Variants in NIPBL observed in about 807,000 individuals in gnomAD.
NIPBL encodes the protein NIPBL cohesin loading factor.
In NIPBL, 19 loss-of-function variants were observed where a neutral mutation model predicts 321.8. That is an observed-to-expected ratio of 0.06 (90% CI 0.04 to 0.09). NIPBL has a LOEUF of 0.09. Ranked by LOEUF, NIPBL falls within the 10% of genes least tolerant of loss-of-function variation. The pLI is 1.00. For missense variants in NIPBL, 2,210 were observed against 3,327.0 expected, an observed-to-expected ratio of 0.66 and a Z score of 8.26; for synonymous variants, 1,106 against 1,114.1, an observed-to-expected ratio of 0.99 and a Z score of 0.14.
chr5:36,957,571 T>G (rs2149602196), intron 3 of NIPBL, among the ~76,000 whole-genome samples: 1 of 152,348 alleles, frequency 6.6e-6, no homozygotes, highest in South Asian at 2.1e-4. Context: ...AATAGTGTTT[T>G]GGGCTTTTTT....
intron 3 of NIPBL, among the ~76,000 whole-genome samples, chr5:36,956,130 C>G (rs1740916860): frequency 6.6e-6 from 1 of 151,768 alleles, no homozygotes; most frequent in Non-Finnish European, 1.5e-5. Context: ...ACTCGGGAGG[C>G]TGAGGCAGGA....
intron 10 of NIPBL, among the ~76,000 whole-genome samples, chr5:36,986,599 T>C (rs892932504): frequency 4.6e-5 from 7 of 152,164 alleles, no homozygotes; most frequent in African/African-American, 1.7e-4. Flanking sequence ...ATTTCTGAAA[T>C]ATGCTTAAGT....
At chr5:36,986,454 T>C (rs1744816193) in intron 10 of NIPBL, among the ~76,000 whole-genome samples, 153 bp downstream of exon 10, 1 of 152,170 alleles carries the variant, frequency 6.6e-6, no homozygotes. Flanking sequence ...TTCAGGAGTA[T>C]AGATAAAAAG....
At position 37,051,975 on chromosome 5, in the gene NIPBL, T is replaced by C. The variant is rs920886628; in HGVS notation, c.7062+89T>C. Reference sequence around the variant, plus strand: ...ATAAATGCTCTGCCCACATTCATAATTGGAATAAAATGTCTTACTTAGTAC... The same window carrying C: ...ATAAATGCTCTGCCCACATTCATAACTGGAATAAAATGTCTTACTTAGTAC... On this transcript the variant is annotated intron_variant, in intron 41 of 46. Coordinates refer to ENST00000282516, the MANE Select transcript of NIPBL (RefSeq NM_133433.4). The C allele has an allele frequency of 1.1e-5, 10 of 951,468 alleles. No homozygotes were observed. The Admixed American group carries it at 1.5e-4, about 15-fold the overall frequency. 58.9% of individuals were successfully genotyped at this position (951,468 alleles called of 1,614,324 possible).
intron 32 of NIPBL, among the ~76,000 whole-genome samples, chr5:37,030,659 TTGAA>T (rs1750893333): frequency 6.6e-6 from 1 of 152,192 alleles, no homozygotes; most frequent in African/African-American, 2.4e-5. Flanking sequence ...TCCCCATTTA[TTGAA>T]TTTTTTTTTA....
chr5:37,033,986 G>A (rs1288151070), intron 32 of NIPBL, among the ~76,000 whole-genome samples: 31 of 151,472 alleles, frequency 2.0e-4, no homozygotes, highest in Admixed American at 2.0e-3. Context: ...AAGATATTTG[G>A]CACATATATA....
chr5:37,064,371 C>T, intron 46 of NIPBL, 156 bp from the exon 47 acceptor site: 1 of 985,202 alleles, frequency 1.0e-6, no homozygotes, highest in Non-Finnish European at 1.2e-6. Flanking sequence ...AACCCCTTGG[C>T]GCTGGCGGTC....
At chr5:37,026,566 T>G (rs1014265867) in intron 31 of NIPBL, among the ~76,000 whole-genome samples, 1 of 152,200 alleles carries the variant, frequency 6.6e-6, no homozygotes, top group African/African-American at 2.4e-5. Context: ...GAGATTTTCC[T>G]ATTCCTCCAG....
chr5:36,935,557 T>C (rs988090314), intron 1 of NIPBL, among the ~76,000 whole-genome samples: 1 of 152,180 alleles, frequency 6.6e-6, no homozygotes, highest in Non-Finnish European at 1.5e-5. Flanking sequence ...TTAGAATTGC[T>C]GTATCAATAC....
At chr5:36,910,415 A>T (rs1747958458) in intron 1 of NIPBL, among the ~76,000 whole-genome samples, 1 of 152,182 alleles carries the variant, frequency 6.6e-6, no homozygotes, top group South Asian at 2.1e-4. Context: ...TGGGCACCTT[A>T]GGCTCAGAAT....
rs988018153 is a variant in NIPBL at position 36,975,830 on chromosome 5, G to A, written c.923G>A (p.Arg308Gln). The change falls in exon 9 of 47, where the codon CGA becomes CAA. Residue 308 changes from arginine (R) to glutamine (Q), a missense_variant. Around this residue, in one of 14 missense-constraint regions of NIPBL, gnomAD observed 464 missense variants for 529.5 expected, o/e 0.88. Coordinates refer to ENST00000282516, the MANE Select transcript of NIPBL (RefSeq NM_133433.4). ...QSQSLPCSSPRDVPPDILLDS... is the reference protein window; with the variant it reads ...QSQSLPCSSPQDVPPDILLDS... ...CAGTCTCTACCTTGTTCATCACCTC[G>A]AGATGTTCCACCAGATATCTTGCTA... 9.9e-6 allele frequency: 16 copies of A among 1,612,816 alleles called. No individual in the cohort carries two copies. The African/African-American group carries it at 1.1e-4, about 11-fold the overall frequency.
chr5:37,053,125 A>T (rs1336629995), intron 42 of NIPBL, among the ~76,000 whole-genome samples: 1 of 152,164 alleles, frequency 6.6e-6, no homozygotes, highest in Admixed American at 6.5e-5. Context: ...ATACATTTGG[A>T]GAAATGCATA....
At chr5:36,995,904 C>A in intron 11 of NIPBL, 100 bp downstream of exon 11, 1 of 1,029,654 alleles carries the variant, frequency 9.7e-7, no homozygotes. Flanking sequence ...AGCACAGTCA[C>A]CTTAATTCTT....
At chr5:36,925,068 A>G (rs889518716) in intron 1 of NIPBL, among the ~76,000 whole-genome samples, 1 of 152,170 alleles carries the variant, frequency 6.6e-6, no homozygotes, top group Non-Finnish European at 1.5e-5. Flanking sequence ...TGAAGTAGGG[A>G]GGTCAATATC....
intron 38 of NIPBL, among the ~76,000 whole-genome samples, 176 bp downstream of exon 38, chr5:37,046,375 A>G (rs1032372951): frequency 1.3e-5 from 2 of 152,326 alleles, no homozygotes; most frequent in East Asian, 3.9e-4. Context: ...TGTCATGGCC[A>G]TTGACTTCCT....
chr5:36,895,480 C>A (rs868763695), intron 1 of NIPBL, among the ~76,000 whole-genome samples: 1 of 152,108 alleles, frequency 6.6e-6, no homozygotes, highest in Admixed American at 6.5e-5. Flanking sequence ...TGAGTAGGTA[C>A]AAAGGGGCAA....
At chr5:36,986,679 A>G (rs1297494422) in intron 10 of NIPBL, among the ~76,000 whole-genome samples, 2 of 152,320 alleles carry the variant, frequency 1.3e-5, no homozygotes, top group African/African-American at 4.8e-5. Flanking sequence ...CTACATTCTT[A>G]CAGACCTGTG....
chr5:36,985,631 C>T lies in NIPBL; in HGVS notation c.2451C>T (p.Asp817=), dbSNP rs587783903. 6.2e-6 allele frequency: 10 copies of T among 1,613,714 alleles called. No homozygotes were observed. The Admixed American group carries it at 1.7e-4, about 27-fold the overall frequency. ...CTGTTTCTGAGTCACTAAGACGTGA[C>T]CATGATAATAAACAAAAATCAGATG... The part of the protein sequence containing the change: ...GRSVSESLRR[D]HDNKQKSDDR... The change falls in exon 10 of 47, where the codon GAC becomes GAT. Residue 817 remains aspartate (D), a synonymous_variant. Coordinates refer to ENST00000282516, the MANE Select transcript of NIPBL (RefSeq NM_133433.4).
intron 45 of NIPBL, 25 bp downstream of exon 45, chr5:37,061,043 T>G: frequency 3.1e-6 from 5 of 1,601,418 alleles, no homozygotes; most frequent in Non-Finnish European, 4.3e-6. Flanking sequence ...CAAAAGTTTT[T>G]ACTTCTCATA....
Sources: allele counts gnomAD v4.1 joint callset (sites outside exome capture counted in the v4.1 genomes callset), GRCh38; gene constraint gnomAD v4.1.1; regional missense constraint gnomAD v4.1.1; transcripts MANE v1.5; gene names NCBI Gene and HGNC (gene_info 2026-07-23, HGNC 2026-07-21).